SLC24A2: variants seen among roughly 807,000 people sequenced by gnomAD.
SLC24A2 encodes the protein sodium/potassium/calcium exchanger 2.
SLC24A2 carries 36 observed loss-of-function variants against 62.0 expected under a neutral mutation model. The ratio of observed to expected loss-of-function variants is 0.58; its 90% CI spans 0.44 to 0.77. SLC24A2 has a LOEUF of 0.77. SLC24A2 is among the 30% of genes least tolerant of loss of function. The pLI, the probability that SLC24A2 is intolerant of heterozygous loss-of-function variation, is 0.00. For synonymous variants in SLC24A2, 358 were observed against 294.0 expected (o/e 1.22, Z -2.23); for missense variants, 846 against 817.9 (o/e 1.03, Z -0.42).
the SLC24A2 span, among the ~76,000 whole-genome samples, chr9:19,808,075 C>T: frequency 3.3e-5 from 5 of 152,176 alleles, no homozygotes; most frequent in Non-Finnish European, 7.4e-5. The surrounding 1 kb of genome is among the most constrained non-coding windows in gnomAD (Gnocchi z 4.1). Context: ...TCCCCAAGGA[C>T]TCCCTACAGA....
At chr9:20,253,803 G>C in the SLC24A2 span, among the ~76,000 whole-genome samples, 2 of 152,144 alleles carry the variant, frequency 1.3e-5, no homozygotes, top group South Asian at 2.1e-4. Flanking sequence ...CAGTTCACGG[G>C]GGGTCAGAGC....
chr9:20,188,614 G>A, the SLC24A2 span, among the ~76,000 whole-genome samples: 8 of 152,172 alleles, frequency 5.3e-5, no homozygotes, highest in African/African-American at 1.9e-4. Context: ...TGGTGGGCTT[G>A]ATGTAGTCAC....
the SLC24A2 span, among the ~76,000 whole-genome samples, chr9:19,873,694 C>T: frequency 6.6e-6 from 1 of 151,884 alleles, no homozygotes; most frequent in African/African-American, 2.4e-5. Flanking sequence ...TTAGATTCTA[C>T]TATGTGTGAA....
the SLC24A2 span, among the ~76,000 whole-genome samples, chr9:20,007,197 G>C: frequency 6.6e-6 from 1 of 152,128 alleles, no homozygotes; most frequent in East Asian, 1.9e-4. Flanking sequence ...GATCAATTTT[G>C]ACTGTTGAAA....
intron 2 of SLC24A2, among the ~76,000 whole-genome samples, chr9:19,649,589 G>A (rs911705232): frequency 1.3e-5 from 2 of 152,272 alleles, no homozygotes; most frequent in South Asian, 2.1e-4. Flanking sequence ...TTTGGAGAGA[G>A]TACAACTGGA....
intron 5 of SLC24A2, among the ~76,000 whole-genome samples, chr9:19,584,796 G>A (rs2132871961): frequency 6.6e-6 from 1 of 152,072 alleles, no homozygotes; most frequent in South Asian, 2.1e-4. Context: ...TCCCAAATCT[G>A]TCTTTGAAGT....
the SLC24A2 span, among the ~76,000 whole-genome samples, chr9:20,126,431 C>T: frequency 1.3e-5 from 2 of 151,968 alleles, no homozygotes; most frequent in African/African-American, 4.8e-5. Context: ...CTTCCTGCTT[C>T]CACTAGTTTA....
At chr9:19,654,288 T>C (rs13291210) in intron 2 of SLC24A2, among the ~76,000 whole-genome samples, 116,092 of 152,126 alleles carry the variant, frequency 0.76, 44,454 homozygotes, top group East Asian at 0.87. Flanking sequence ...TCTGTCTTGC[T>C]TGGACCTTTG....
chr9:20,306,756 G>C, the SLC24A2 span, among the ~76,000 whole-genome samples: 22 of 152,198 alleles, frequency 1.4e-4, no homozygotes, highest in Non-Finnish European at 2.9e-4. Flanking sequence ...GAGTGCAGTG[G>C]CGTGATCTTG....
chr9:20,113,254 A>G, the SLC24A2 span, among the ~76,000 whole-genome samples: 11 of 152,242 alleles, frequency 7.2e-5, no homozygotes, highest in East Asian at 1.4e-3. Flanking sequence ...AACAGACTCT[A>G]TGCCCGCACT....
intron 4 of SLC24A2, among the ~76,000 whole-genome samples, chr9:19,607,123 A>G (rs545521697): frequency 5.3e-5 from 8 of 152,296 alleles, no homozygotes; most frequent in African/African-American, 1.9e-4. Context: ...GGGAGAAAAC[A>G]CCTCTGGATG....
chr9:20,255,943 G>GA, the SLC24A2 span, among the ~76,000 whole-genome samples: 1 of 152,178 alleles, frequency 6.6e-6, no homozygotes, highest in Non-Finnish European at 1.5e-5. Context: ...ATAATGAACA[G>GA]AAATTTATCT....
the SLC24A2 span, among the ~76,000 whole-genome samples, chr9:20,000,636 A>G: frequency 2.0e-3 from 311 of 152,332 alleles, 3 homozygotes; most frequent in African/African-American, 6.6e-3. Flanking sequence ...CTTCTCCCGC[A>G]GTCTCCATAT....
chr9:19,655,150 G>T (rs748872068), intron 2 of SLC24A2, among the ~76,000 whole-genome samples: 6 of 152,210 alleles, frequency 3.9e-5, no homozygotes, highest in Non-Finnish European at 7.3e-5. Flanking sequence ...CTCAAATTCA[G>T]AAGTATGGAA....
At chr9:20,014,431 G>A in the SLC24A2 span, among the ~76,000 whole-genome samples, 1 of 150,798 alleles carries the variant, frequency 6.6e-6, no homozygotes, top group Non-Finnish European at 1.5e-5. Flanking sequence ...GCACTCCCAC[G>A]ATTACTGCAG....
chr9:19,720,476 A>T (rs1202832614), intron 2 of SLC24A2, among the ~76,000 whole-genome samples: 1 of 152,178 alleles, frequency 6.6e-6, no homozygotes, highest in African/African-American at 2.4e-5. Context: ...ATGGTCTGAA[A>T]ATTCAAGGTG....
At chr9:19,544,611 G>C (rs554544182) in intron 8 of SLC24A2, among the ~76,000 whole-genome samples, 1 of 152,144 alleles carries the variant, frequency 6.6e-6, no homozygotes, top group African/African-American at 2.4e-5. Context: ...AGGAGCTCTT[G>C]TAAGGCAGGC....
the SLC24A2 span, among the ~76,000 whole-genome samples, chr9:20,142,988 G>T: frequency 6.6e-6 from 1 of 152,204 alleles, no homozygotes; most frequent in Non-Finnish European, 1.5e-5. Context: ...TCACATGTAA[G>T]CTTTCTGTGA....
rs1835527995 is a variant in SLC24A2 at position 19,563,819 on chromosome 9, T to TCCC, written c.1347+9531_1347+9532insGGG. Among the ~76,000 whole-genome samples, 3 of 92,574 alleles carry TCCC rather than the reference T, an allele frequency of 3.2e-5. 1 individual carries two copies. Among genetic ancestry groups the TCCC allele is most frequent in the African/African-American group, 1.7e-4 (3 of 17,964 alleles). The allele number at this position is 92,574 out of a possible 152,430, so 60.7% of individuals were successfully genotyped here. On this transcript the variant is annotated intron_variant, in intron 7 of 10. Transcript: ENST00000341998. ...GACCCTTCCTTCCTTCCTTCCTTCCTTCCTTCCTCCCTCCCTCCCTCCCTC... is the reference window on the plus strand; with the variant it reads ...GACCCTTCCTTCCTTCCTTCCTTCCTCCCTCCTTCCTCCCTCCCTCCCTCCCTC...
Sources: allele counts gnomAD v4.1 joint callset (sites outside exome capture counted in the v4.1 genomes callset), GRCh38; gene constraint gnomAD v4.1.1; non-coding constraint Gnocchi (gnomAD v3.1); transcripts MANE v1.5; gene names NCBI Gene and HGNC (gene_info 2026-07-23, HGNC 2026-07-21).